Variants in TNFRSF19 observed in about 807,000 individuals in gnomAD.
TNFRSF19 encodes the protein tumor necrosis factor receptor superfamily member 19.
A neutral mutation model predicts 46.4 loss-of-function variants in TNFRSF19; 27 were observed. The observed-to-expected ratio is 0.58, with a 90% CI of 0.43 to 0.80. The LOEUF (loss-of-function observed/expected upper bound fraction) is 0.80. Ranked by LOEUF, TNFRSF19 falls within the 30% of genes least tolerant of loss-of-function variation. The probability of loss-of-function intolerance (pLI) is 0.00; values close to 1 mark genes in which losing one functional copy is unlikely to be tolerated. For synonymous variants in TNFRSF19, 204 were observed against 205.0 expected, an observed-to-expected ratio of 1.00 and a Z score of 0.04; for missense variants, 511 against 530.8, an observed-to-expected ratio of 0.96 and a Z score of 0.37.
At chr13:23,594,840 C>T (rs951247472) in intron 3 of TNFRSF19, among the ~76,000 whole-genome samples, 5 of 152,190 alleles carry the variant, frequency 3.3e-5, no homozygotes, top group Non-Finnish European at 7.3e-5. Context: ...CAGCAGGGGT[C>T]GCCAGACACC....
rs79403079 is a variant in TNFRSF19, at chr13:23,605,532, G to T, written c.181-10335G>T. 8.3e-3 allele frequency among the ~76,000 whole-genome samples: 1,270 copies of T among 152,280 alleles called. 28 individuals are homozygous for T. Among genetic ancestry groups the T allele is most frequent in the East Asian group, 0.076 (393 of 5,174 alleles). On this transcript the variant is annotated intron_variant, in intron 3 of 9. Transcript: ENST00000248484. Reference sequence around the variant, plus strand: ...GCACACAGATACTTATAGCAGGTTTGTTCATAATTATGAAGACTTGAAAGC... The same window carrying T: ...GCACACAGATACTTATAGCAGGTTTTTTCATAATTATGAAGACTTGAAAGC...
chr13:23,625,981 A>G (rs1566194285), intron 4 of TNFRSF19, among the ~76,000 whole-genome samples: 2 of 152,304 alleles, frequency 1.3e-5, no homozygotes, highest in East Asian at 1.9e-4. Context: ...AAATTATGAA[A>G]CATTCTTCTT....
At chr13:23,669,392 G>A (rs536328895) in intron 9 of TNFRSF19, 22 of 1,145,348 alleles carry the variant, frequency 1.9e-5, no homozygotes, top group African/African-American at 1.3e-4. Context: ...GGTGAGTCGG[G>A]TATGGGAGCA....
chr13:23,613,625 T>C (rs181356015), intron 3 of TNFRSF19, among the ~76,000 whole-genome samples: 15 of 152,320 alleles, frequency 9.8e-5, no homozygotes, highest in Non-Finnish European at 1.9e-4. Context: ...AAGTGTGATT[T>C]TGAAATACTC....
intron 3 of TNFRSF19, among the ~76,000 whole-genome samples, chr13:23,612,065 C>T (rs1056419684): frequency 1.3e-5 from 2 of 151,970 alleles, no homozygotes; most frequent in Non-Finnish European, 2.9e-5. Flanking sequence ...GAAAGGTGTA[C>T]TGTTTGATTA....
intron 3 of TNFRSF19, among the ~76,000 whole-genome samples, chr13:23,610,524 T>C (rs932673602): frequency 2.3e-5 from 3 of 132,708 alleles, no homozygotes; most frequent in African/African-American, 8.9e-5. Context: ...CAGCCCACCC[T>C]GCCTGCCATC....
chr13:23,588,998 G>T (rs1235214443), intron 1 of TNFRSF19, among the ~76,000 whole-genome samples: 1 of 152,218 alleles, frequency 6.6e-6, no homozygotes, highest in East Asian at 1.9e-4. Context: ...AGCCTGCAGC[G>T]GAGGCAGCTC....
intron 5 of TNFRSF19, among the ~76,000 whole-genome samples, chr13:23,650,958 A>G (rs992729790): frequency 6.6e-6 from 1 of 152,144 alleles, no homozygotes; most frequent in African/African-American, 2.4e-5. Flanking sequence ...AAATTCAACT[A>G]TTTTGTTTAT....
At chr13:23,614,769 A>ATATATATATATATATATATATATATAT (rs59907466) in intron 3 of TNFRSF19, among the ~76,000 whole-genome samples, 20 of 147,196 alleles carry the variant, frequency 1.4e-4, no homozygotes, top group South Asian at 4.3e-4. Flanking sequence ...ATATATATAT[A>ATATATATATATATATATATATATATAT]GTACCTGGCA....
At chr13:23,580,967 G>A (rs1387284187) in intron 1 of TNFRSF19, among the ~76,000 whole-genome samples, 1 of 152,202 alleles carries the variant, frequency 6.6e-6, no homozygotes, top group Non-Finnish European at 1.5e-5. Flanking sequence ...CTGAGAGGTG[G>A]TGTTAGTATT....
At position 23,674,628 on chromosome 13, in the gene TNFRSF19, G is replaced by A. The variant is rs1413345525; in HGVS notation, c.*1248G>A. 3 of 152,186 alleles carry A rather than the reference G, an allele frequency of 2.0e-5. No homozygotes were observed. Among genetic ancestry groups the A allele is most frequent in the African/African-American group, 4.8e-5 (2 of 41,450 alleles). The allele number at this position is 152,186 out of a possible 1,614,324, so 9.4% of individuals were successfully genotyped here. A position where few individuals can be genotyped will look rare whatever the true frequency, so the allele number is the denominator to read the frequency against. On this transcript the variant is annotated 3_prime_UTR_variant, in exon 10 of 10. Transcript: ENST00000248484. ...ATTAACCCCGTTCAGTCACAAAGCA[G>A]GGAATGGTTCATTTACTCTTAATCT...
chr13:23,630,289 T>G (rs1235333603), intron 5 of TNFRSF19, among the ~76,000 whole-genome samples: 1 of 103,952 alleles, frequency 9.6e-6, no homozygotes, highest in African/African-American at 3.9e-5. Flanking sequence ...AACAACAGAG[T>G]AAGACCCTGT....
intron 5 of TNFRSF19, among the ~76,000 whole-genome samples, chr13:23,630,741 C>T (rs927534911): frequency 6.6e-6 from 1 of 152,236 alleles, no homozygotes; most frequent in Non-Finnish European, 1.5e-5. Flanking sequence ...GAACCATATC[C>T]TGCCTTCAGT....
intron 1 of TNFRSF19, among the ~76,000 whole-genome samples, chr13:23,587,280 C>G (rs542994441): frequency 9.5e-4 from 145 of 152,116 alleles, no homozygotes; most frequent in African/African-American, 3.4e-3. Context: ...CCTTCTTTTT[C>G]TGAATGCCAA....
At chr13:23,658,499 C>G (rs1884130510) in intron 5 of TNFRSF19, among the ~76,000 whole-genome samples, 1 of 152,178 alleles carries the variant, frequency 6.6e-6, no homozygotes, top group Non-Finnish European at 1.5e-5. Context: ...TTCTCCAAAA[C>G]TTAGATGTTT....
intron 5 of TNFRSF19, among the ~76,000 whole-genome samples, chr13:23,634,601 C>A (rs868033949): frequency 1.6e-4 from 24 of 152,210 alleles, no homozygotes; most frequent in African/African-American, 5.3e-4. Context: ...GGTGGCCACA[C>A]ACATGGATCA....
chr13:23,667,977 T>A lies in TNFRSF19; in HGVS notation c.737-3T>A. 1 of 1,600,880 alleles carries A rather than the reference T, an allele frequency of 6.2e-7. No homozygotes were observed. The highest frequency in any genetic ancestry group is 1.7e-5 in the Admixed American group (1 of 58,206). On this transcript the variant is annotated splice_region_variant and splice_polypyrimidine_tract_variant and intron_variant, in intron 7 of 9. Transcript: ENST00000248484. Reference sequence around the variant, plus strand: ...TGCTTCACACCTGTGCTGTCTTCCCTAGGGCCGGTGCGCTTGCTCCCATCC... The same window carrying A: ...TGCTTCACACCTGTGCTGTCTTCCCAAGGGCCGGTGCGCTTGCTCCCATCC...
chr13:23,660,298 C>A (rs1884272601), intron 6 of TNFRSF19, 67 bp from the exon 7 acceptor site: 1 of 1,467,958 alleles, frequency 6.8e-7, no homozygotes, highest in African/African-American at 1.4e-5. Flanking sequence ...AATACAAAAG[C>A]TAGAATGGCA....
intron 8 of TNFRSF19, among the ~76,000 whole-genome samples, chr13:23,668,377 C>A (rs891876085): frequency 1.3e-5 from 2 of 151,948 alleles, no homozygotes; most frequent in African/African-American, 4.8e-5. Context: ...TAATTTTTAC[C>A]CATGGAATAA....
Sources: gnomAD v4.1 joint callset for allele counts (sites outside exome capture counted in the v4.1 genomes callset) on GRCh38, gnomAD v4.1.1 for gene constraint, MANE v1.5 for transcripts, NCBI Gene and HGNC (gene_info 2026-07-23, HGNC 2026-07-21) for gene names.